The following RNF212B variants were observed in gnomAD, a reference collection of about 807,000 sequenced individuals.
RNF212B encodes ring finger protein 212B.
A neutral mutation model predicts 55.5 loss-of-function variants in RNF212B; 52 were observed. That is an observed-to-expected ratio of 0.94 (90% confidence interval 0.75 to 1.18). The LOEUF is 1.18. Among genes scored for constraint, RNF212B ranks in the 50% most tolerant of loss-of-function variants. The probability of loss-of-function intolerance (pLI) is 0.00; values close to 1 mark genes in which losing one functional copy is unlikely to be tolerated. For synonymous variants in RNF212B, 99 were observed against 121.4 expected (o/e 0.82, Z 1.21); for missense variants, 289 against 350.4 (o/e 0.82, Z 1.40).
chr14:23,195,823 A>G (rs931295402), intron 2 of RNF212B, among the ~76,000 whole-genome samples: 4 of 152,204 alleles, frequency 2.6e-5, no homozygotes, highest in African/African-American at 7.2e-5. Flanking sequence ...AACCTTCCAA[A>G]CAACCTTTCA....
chr14:23,190,166 C>T (rs1437576925), intron 1 of RNF212B, among the ~76,000 whole-genome samples: 1 of 152,068 alleles, frequency 6.6e-6, no homozygotes, highest in Non-Finnish European at 1.5e-5. Context: ...CCAATCTCTT[C>T]TCTTCTCTAT....
At chr14:23,244,263 C>A in intron 3 of RNF212B, 59 bp from the exon 4 acceptor site, 2 of 957,078 alleles carry the variant, frequency 2.1e-6, no homozygotes, top group South Asian at 1.6e-5. Context: ...TCATGTTAGT[C>A]AGTATTTTAT....
chr14:23,190,335 A>G (rs1317111413), intron 1 of RNF212B, among the ~76,000 whole-genome samples: 1 of 152,210 alleles, frequency 6.6e-6, no homozygotes, highest in African/African-American at 2.4e-5. Flanking sequence ...TTGGGTGTTT[A>G]ATAGGCACCT....
At chr14:23,219,982 G>A (rs1028920257) in intron 2 of RNF212B, among the ~76,000 whole-genome samples, 3 of 151,780 alleles carry the variant, frequency 2.0e-5, no homozygotes, top group African/African-American at 7.2e-5. Context: ...TCAGGAGTTC[G>A]AGACCAGCCT....
chr14:23,238,769 A>G (rs919631194), intron 1 of RNF212B, among the ~76,000 whole-genome samples: 1 of 142,752 alleles, frequency 7.0e-6, no homozygotes, highest in Non-Finnish European at 1.5e-5. Context: ...AATAATAATA[A>G]TAATAATAAT....
intron 2 of RNF212B, among the ~76,000 whole-genome samples, chr14:23,229,262 A>ATATATATAT (rs1882343233): frequency 8.6e-6 from 1 of 116,146 alleles, no homozygotes; most frequent in East Asian, 2.3e-4. Flanking sequence ...ATATATATAT[A>ATATATATAT]CCACATTGTT....
At chr14:23,193,992 C>T (rs1878385029) in intron 2 of RNF212B, among the ~76,000 whole-genome samples, 1 of 152,170 alleles carries the variant, frequency 6.6e-6, no homozygotes, top group South Asian at 2.1e-4. Context: ...CAGGAGCCTG[C>T]CGCTACGCCT....
chr14:23,253,458 A>G (rs966067748), intron 4 of RNF212B, among the ~76,000 whole-genome samples: 11 of 152,094 alleles, frequency 7.2e-5, no homozygotes, highest in African/African-American at 2.4e-4. Context: ...GTCATTTCAT[A>G]TGTTCCTCTG....
chr14:23,218,846 T>TA lies in RNF212B; in HGVS notation c.-1-21498dup, dbSNP rs200191476. 6.7e-3 allele frequency among the ~76,000 whole-genome samples: 1,017 copies of TA among 152,180 alleles called. 8 individuals carry two copies. Among genetic ancestry groups the TA allele is most frequent in the Non-Finnish European group, 9.9e-3 (673 of 68,006 alleles). On this transcript the variant is annotated intron_variant, in intron 2 of 15. Coordinates refer to the RNF212B transcript ENST00000399910. Reference sequence around the variant, plus strand: ...TCAACATTCAAGTACAGGAAAGTTATAGAACACCAAACAGATTTAACCCAA... The same window carrying TA: ...TCAACATTCAAGTACAGGAAAGTTATAAGAACACCAAACAGATTTAACCCAA...
Position 23,213,245 on chromosome 14 carries a change from G to A in RNF212B, c.-2+19844G>A, listed in dbSNP as rs557619827. ...GGAGAATGGCGTGAACCCGTGAGGCGGAGCTTGCAGTGAGCCGAGATCGCA... is the reference window on the plus strand; with the variant it reads ...GGAGAATGGCGTGAACCCGTGAGGCAGAGCTTGCAGTGAGCCGAGATCGCA... On this transcript the variant is annotated intron_variant, in intron 2 of 15. Transcript: ENST00000399910. Among the ~76,000 whole-genome samples, 396 of 151,852 alleles carry A rather than the reference G, an allele frequency of 2.6e-3. 2 individuals are homozygous for A. The highest frequency in any genetic ancestry group is 8.5e-3 in the African/African-American group (352 of 41,410).
At chr14:23,212,600 G>GGCCC (rs1566400611) in intron 2 of RNF212B, among the ~76,000 whole-genome samples, 80 of 151,732 alleles carry the variant, frequency 5.3e-4, no homozygotes, top group African/African-American at 1.9e-3. Context: ...TTTTGAGACA[G>GGCCC]AGTCTCGCTC....
chr14:23,243,196 G>T, intron 2 of RNF212B, 60 bp from the exon 3 acceptor site: 1 of 1,277,394 alleles, frequency 7.8e-7, no homozygotes, highest in South Asian at 1.3e-5. Context: ...TGTACTTTAA[G>T]TCTTTAAATC....
At chr14:23,206,544 A>C (rs371671112) in intron 2 of RNF212B, among the ~76,000 whole-genome samples, 18 of 152,150 alleles carry the variant, frequency 1.2e-4, no homozygotes, top group African/African-American at 4.1e-4. Flanking sequence ...ATTTATAAAG[A>C]CCCTCACCCC....
At chr14:23,232,852 C>T (rs1882808580) in intron 2 of RNF212B, among the ~76,000 whole-genome samples, 2 of 111,662 alleles carry the variant, frequency 1.8e-5, no homozygotes, top group Admixed American at 1.7e-4. Context: ...TGCCCAGCTG[C>T]CCCGTCTGGG....
chr14:23,213,169 C>T (rs6573046), intron 2 of RNF212B, among the ~76,000 whole-genome samples: 17,694 of 151,606 alleles, frequency 0.12, 2,820 homozygotes, highest in African/African-American at 0.37. Context: ...AAAAATTAGC[C>T]GGGCGTGGTG....
chr14:23,234,715 T>C (rs1413794368), upstream of RNF212B, among the ~76,000 whole-genome samples: 2 of 152,282 alleles, frequency 1.3e-5, no homozygotes, highest in East Asian at 3.8e-4. Flanking sequence ...ATTTTAATAT[T>C]GGATGGGGCT....
intron 2 of RNF212B, among the ~76,000 whole-genome samples, chr14:23,205,002 G>T (rs75606957): frequency 0.024 from 3,722 of 152,134 alleles, 155 homozygotes; most frequent in African/African-American, 0.085. Context: ...TTTTAACTCA[G>T]TTTTTTTCCT....
intron 1 of RNF212B, among the ~76,000 whole-genome samples, chr14:23,188,528 G>C (rs1877819340): frequency 6.7e-6 from 1 of 149,252 alleles, no homozygotes; most frequent in African/African-American, 2.5e-5. Flanking sequence ...GTGCAGTGGT[G>C]TGATCACAGC....
At chr14:23,225,156 C>G (rs2140411193) in intron 2 of RNF212B, among the ~76,000 whole-genome samples, 1 of 151,906 alleles carries the variant, frequency 6.6e-6, no homozygotes, top group Middle Eastern at 3.5e-3. Flanking sequence ...CAGGCAATAA[C>G]AAGTGCTGGC....
Sources: allele counts gnomAD v4.1 joint callset (sites outside exome capture counted in the v4.1 genomes callset), GRCh38; gene constraint gnomAD v4.1.1; transcripts MANE v1.5; gene names NCBI Gene and HGNC (gene_info 2026-07-23, HGNC 2026-07-21).